Variants in ZC3H18 observed in about 807,000 individuals in gnomAD.
The protein encoded by ZC3H18 is zinc finger CCCH domain-containing protein 18.
A neutral mutation model predicts 106.1 loss-of-function variants in ZC3H18; 8 were observed. The observed-to-expected ratio is 0.08, with a 90% confidence interval of 0.04 to 0.14. ZC3H18 has a LOEUF of 0.14. Ranked by LOEUF, ZC3H18 falls within the 10% of genes least tolerant of loss-of-function variation. ZC3H18 has a pLI of 1.00. For synonymous variants in ZC3H18, 635 were observed against 522.1 expected (o/e 1.22, Z -2.95); for missense variants, 1,318 against 1,278.4 (o/e 1.03, Z -0.47).
intron 7 of ZC3H18, among the ~76,000 whole-genome samples, 199 bp from the exon 8 acceptor site, chr16:88,611,069 C>G (rs1905244930): frequency 6.6e-6 from 1 of 152,230 alleles, no homozygotes; most frequent in African/African-American, 2.4e-5. Flanking sequence ...TCCTGCCTCT[C>G]TCTTGCCATC....
chr16:88,617,564 A>T (rs1291583459), intron 8 of ZC3H18, among the ~76,000 whole-genome samples: 2 of 152,180 alleles, frequency 1.3e-5, no homozygotes, highest in Non-Finnish European at 2.9e-5. Flanking sequence ...CTGATTGGGG[A>T]CCTTCCCGCA....
intron 2 of ZC3H18, among the ~76,000 whole-genome samples, chr16:88,586,257 A>G (rs1915423906): frequency 6.6e-6 from 1 of 152,158 alleles, no homozygotes; most frequent in Non-Finnish European, 1.5e-5. Flanking sequence ...TGTTCTCCAT[A>G]TTTTATTTAA....
intron 8 of ZC3H18, among the ~76,000 whole-genome samples, chr16:88,619,717 C>G (rs537513442): frequency 2.0e-5 from 3 of 152,192 alleles, no homozygotes; most frequent in African/African-American, 7.2e-5. Context: ...TTCCCCCTCA[C>G]CGCAGCTAGG....
At position 88,630,575 on chromosome 16, in the gene ZC3H18, C is replaced by T. The variant is rs1906600983; in HGVS notation, c.2657C>T (p.Ala886Val). 6.2e-7 allele frequency: 1 copy of T among 1,603,842 alleles called. No individual in the cohort carries two copies. The highest frequency in any genetic ancestry group is 2.2e-5 in the East Asian group (1 of 44,684). Residue 886 changes from alanine (A) to valine (V), a missense_variant, in exon 17 of 18, where the codon GCT (alanine) becomes GTT (valine). Physicochemically the swap from Ala to Val is moderately conservative, Grantham distance 64. Around this residue, in one of 6 missense-constraint regions of ZC3H18, gnomAD observed 848 missense variants for 821.7 expected, o/e 1.03. Transcript: ENST00000301011. ...GQNSKAPAAP[A>V]DRKRQLSPQS... Reference sequence around the variant, plus strand: ...AACTCCAAAGCCCCTGCAGCCCCGGCTGACAGGTGAGTCCCACCCAGCATG... The same window carrying T: ...AACTCCAAAGCCCCTGCAGCCCCGGTTGACAGGTGAGTCCCACCCAGCATG...
chr16:88,573,706 C>G, intron 1 of ZC3H18, among the ~76,000 whole-genome samples: 1 of 151,962 alleles, frequency 6.6e-6, no homozygotes, highest in Admixed American at 6.6e-5. Context: ...GCCACCACTC[C>G]TGGCTTAGGA....
At chr16:88,622,954 G>C in intron 9 of ZC3H18, 1 of 495,058 alleles carries the variant, frequency 2.0e-6, no homozygotes, top group Non-Finnish European at 3.6e-6. Context: ...CTCAGGCAGC[G>C]CCACCCGGTA....
At chr16:88,597,856 TG>T (rs1178788502) in intron 3 of ZC3H18, among the ~76,000 whole-genome samples, 1 of 152,250 alleles carries the variant, frequency 6.6e-6, no homozygotes, top group African/African-American at 2.4e-5. Context: ...AGCAAAGCTC[TG>T]GGGCTTTTCT....
At position 88,584,376 on chromosome 16, in the gene ZC3H18, C is replaced by T. The variant is rs1052397983; in HGVS notation, c.604-2224C>T. Among the ~76,000 whole-genome samples, 134 of 150,782 alleles carry T rather than the reference C, an allele frequency of 8.9e-4. 1 individual carries two copies. The highest frequency in any genetic ancestry group is 4.1e-4 in the Non-Finnish European group (28 of 67,862). On this transcript the variant is annotated intron_variant, in intron 2 of 17. Coordinates refer to ENST00000301011, the MANE Select transcript of ZC3H18 (RefSeq NM_144604.4). ...GGCAGAGGTTGCAGTGAACCGAGAT[C>T]GTGCCACTGCACTCCAGCCTGGGCG... is the stretch of plus-strand genomic sequence containing the variant.
chr16:88,596,315 T>A (rs1183194136), intron 3 of ZC3H18, among the ~76,000 whole-genome samples: 1 of 152,126 alleles, frequency 6.6e-6, no homozygotes, highest in South Asian at 2.1e-4. Flanking sequence ...CGATAACATT[T>A]AGCCACCACC....
chr16:88,597,082 G>A (rs1189507883), intron 3 of ZC3H18, among the ~76,000 whole-genome samples: 4 of 152,080 alleles, frequency 2.6e-5, no homozygotes, highest in Admixed American at 6.6e-5. Context: ...CACCACGTCC[G>A]GCTAATTTTT....
At chr16:88,596,302 G>C (rs62050303) in intron 3 of ZC3H18, among the ~76,000 whole-genome samples, 37,875 of 152,050 alleles carry the variant, frequency 0.25, 5,160 homozygotes, top group East Asian at 0.36. Context: ...ATACAGAAAA[G>C]AACGATAACA....
At chr16:88,625,599 G>A (rs1030153931) in intron 13 of ZC3H18, 7 of 346,410 alleles carry the variant, frequency 2.0e-5, no homozygotes, top group South Asian at 9.3e-5. Context: ...GCAGCTTCCA[G>A]CCCAGCAGGG....
At chr16:88,626,225 T>TAC (rs1303460372) in intron 13 of ZC3H18, 3 of 152,192 alleles carry the variant, frequency 2.0e-5, no homozygotes, top group African/African-American at 7.2e-5. Flanking sequence ...GTGCTGGGAT[T>TAC]ACAGGTGTGA....
chr16:88,625,415 G>A, intron 13 of ZC3H18, 148 bp downstream of exon 13: 1 of 945,350 alleles, frequency 1.1e-6, no homozygotes, highest in Non-Finnish European at 1.6e-6. Flanking sequence ...GAAGGCTGCG[G>A]TTGAAGCTTT....
At chr16:88,612,610 TG>T (rs1905335056) in intron 8 of ZC3H18, among the ~76,000 whole-genome samples, 1 of 147,368 alleles carries the variant, frequency 6.8e-6, no homozygotes, top group Non-Finnish European at 1.5e-5. Flanking sequence ...GCCCAGGTGT[TG>T]GAGGCTGCCA....
At chr16:88,571,822 C>T (rs1443348820) in intron 1 of ZC3H18, 1 of 265,510 alleles carries the variant, frequency 3.8e-6, no homozygotes, top group African/African-American at 2.3e-5. Context: ...ACCTTGATAA[C>T]GTTCATTTAG....
chr16:88,615,327 C>T (rs1905528821), intron 8 of ZC3H18, among the ~76,000 whole-genome samples: 1 of 152,290 alleles, frequency 6.6e-6, no homozygotes, highest in East Asian at 1.9e-4. Context: ...CTCCTGCTTG[C>T]CAGCCTGCTT....
intron 11 of ZC3H18, 52 bp downstream of exon 11, chr16:88,624,114 G>A: frequency 6.3e-7 from 1 of 1,598,082 alleles, no homozygotes; most frequent in Non-Finnish European, 8.5e-7. Context: ...TCCACAGGCT[G>A]CAGCCTCCTC....
chr16:88,571,059 C>G (rs1214127750), intron 1 of ZC3H18, among the ~76,000 whole-genome samples: 1 of 152,204 alleles, frequency 6.6e-6, no homozygotes, highest in African/African-American at 2.4e-5. Flanking sequence ...GTGATTGCCC[C>G]AAGACGCGCG....
Sources: allele counts gnomAD v4.1 joint callset (sites outside exome capture counted in the v4.1 genomes callset), GRCh38; gene constraint gnomAD v4.1.1; regional missense constraint gnomAD v4.1.1; transcripts MANE v1.5; gene names NCBI Gene and HGNC (gene_info 2026-07-23, HGNC 2026-07-21).